Variants in DACH2 observed in about 807,000 individuals in gnomAD.
DACH2 encodes dachshund homolog 2.
Under a neutral mutation model 35.8 loss-of-function variants are expected in DACH2, and 17 were observed. That is an observed-to-expected ratio of 0.48 (90% CI 0.33 to 0.71). DACH2 has a LOEUF of 0.71. Ranked by LOEUF, DACH2 falls within the 30% of genes least tolerant of loss-of-function variation. DACH2 has a pLI of 0.02. For synonymous variants in DACH2, 195 were observed against 177.3 expected (o/e 1.10, Z -0.79); for missense variants, 469 against 472.7 (o/e 0.99, Z 0.07).
intron 3 of DACH2, among the ~76,000 whole-genome samples, chrX:86,648,688 T>C (rs970287973): frequency 9.0e-6 from 1 of 110,918 alleles, no homozygotes; most frequent in Admixed American, 9.6e-5. Flanking sequence ...GATGGTTTCA[T>C]GGGTATAAAC....
At chrX:86,345,771 T>C (rs1272235721) in intron 1 of DACH2, among the ~76,000 whole-genome samples, 1 of 111,726 alleles carries the variant, frequency 9.0e-6, no homozygotes, top group Non-Finnish European at 1.9e-5. Context: ...CCTTACAAAA[T>C]GAGACGGCCT....
intron 3 of DACH2, among the ~76,000 whole-genome samples, chrX:86,582,588 A>G (rs1602668799): frequency 9.0e-6 from 1 of 110,776 alleles, no homozygotes; most frequent in African/African-American, 3.3e-5. Context: ...GAGCATCTCT[A>G]TGCACACAAC....
intron 1 of DACH2, among the ~76,000 whole-genome samples, chrX:86,342,594 G>A (rs2035430081): frequency 9.1e-6 from 1 of 109,810 alleles, no homozygotes; most frequent in Middle Eastern, 4.7e-3. Flanking sequence ...ATCACTTGAT[G>A]TAAAGAATTC....
chrX:86,591,028 G>A (rs1167466355), intron 3 of DACH2, among the ~76,000 whole-genome samples: 2 of 109,026 alleles, frequency 1.8e-5, no homozygotes, highest in Non-Finnish European at 3.8e-5. Context: ...GTGTCCATGT[G>A]TTCTCATTGT....
chrX:86,289,858 T>C (rs1260340741), intron 1 of DACH2, among the ~76,000 whole-genome samples: 2 of 109,356 alleles, frequency 1.8e-5, no homozygotes, highest in Non-Finnish European at 3.8e-5. Context: ...TCTTTGTTAT[T>C]GTGAATAATG....
intron 1 of DACH2, among the ~76,000 whole-genome samples, chrX:86,289,836 G>C (rs1475536196): frequency 9.2e-6 from 1 of 109,132 alleles, no homozygotes; most frequent in Non-Finnish European, 1.9e-5. Flanking sequence ...GGACATTTGG[G>C]TTGGTTCCAA....
intron 1 of DACH2, among the ~76,000 whole-genome samples, chrX:86,183,735 G>A (rs1409520492): frequency 9.0e-6 from 1 of 111,605 alleles, no homozygotes; most frequent in African/African-American, 3.3e-5. Flanking sequence ...GTTTGGAATA[G>A]TTTCAGAAGG....
chrX:86,724,773 T>C (rs2041446128), intron 6 of DACH2, among the ~76,000 whole-genome samples: 1 of 111,602 alleles, frequency 9.0e-6, no homozygotes, highest in African/African-American at 3.3e-5. Context: ...CTCCCTCATA[T>C]AGGTTTTCTC....
intron 1 of DACH2, among the ~76,000 whole-genome samples, chrX:86,320,470 G>T (rs1200510118): frequency 1.8e-5 from 2 of 112,141 alleles, no homozygotes; most frequent in Admixed American, 9.4e-5. Context: ...CTCAGGCAAG[G>T]GCAGTTTTTC....
At chrX:86,480,083 C>T (rs1369346992) in intron 2 of DACH2, among the ~76,000 whole-genome samples, 1 of 111,780 alleles carries the variant, frequency 8.9e-6, no homozygotes, top group African/African-American at 3.3e-5. Context: ...TTATTGTGGT[C>T]TTCATAGTCT....
chrX:86,334,234 A>T lies in DACH2; in HGVS notation c.489-42590A>T, dbSNP rs749129163. 6.3e-5 allele frequency among the ~76,000 whole-genome samples: 7 copies of T among 111,870 alleles called. No homozygotes were observed. The Admixed American group carries it at 6.6e-4, about 11-fold the overall frequency. ...TAAACATAAGTGTTTATGTGTCTTT[A>T]TAGTAGAATAATTTATAATCCATTG... On this transcript the variant is annotated intron_variant, in intron 1 of 11. Transcript: ENST00000373125.
rs751454309 is a variant in DACH2, at chrX:86,651,080, A to G, written c.685A>G (p.Met229Val). The G allele has an allele frequency of 2.5e-6, 3 of 1,208,391 alleles. No homozygotes were observed. The South Asian group carries it at 5.3e-5, about 21-fold the overall frequency. Residue 229 changes from methionine to valine, a missense_variant, in exon 4 of 12, where the codon ATG becomes GTG. By Grantham distance (21) the Met-to-Val change is conservative (BLOSUM62 1). Transcript: ENST00000373125. ...AMAEAMKLQK[M>V]KLMAMNTLQG... is the part of the protein sequence containing the mutation. ...GGCTGAGGCGATGAAACTTCAGAAG[A>G]TGAAGCTTATGGCTATGAACACTCT... is the stretch of plus-strand genomic sequence containing the variant.
intron 1 of DACH2, among the ~76,000 whole-genome samples, chrX:86,170,268 G>A (rs761138454): frequency 1.2e-3 from 132 of 111,626 alleles, no homozygotes; most frequent in Middle Eastern, 4.6e-3. Flanking sequence ...TGCCACTACC[G>A]CTATGACTGC....
chrX:86,529,622 G>A (rs1171797510), intron 3 of DACH2, among the ~76,000 whole-genome samples: 10 of 109,112 alleles, frequency 9.2e-5, no homozygotes, highest in African/African-American at 3.0e-4. Context: ...ACAGGCACCC[G>A]CCTCCACACC....
chrX:86,632,138 C>T (rs1459026302), intron 3 of DACH2, among the ~76,000 whole-genome samples: 1 of 110,847 alleles, frequency 9.0e-6, no homozygotes, highest in Admixed American at 9.6e-5. Context: ...AGTATCTCTG[C>T]GAATCCATTT....
chrX:86,556,795 T>TATATATATATATAGAG (rs1232719385), intron 3 of DACH2, among the ~76,000 whole-genome samples: 1 of 25,296 alleles, frequency 4.0e-5, no homozygotes, highest in African/African-American at 1.8e-4. Flanking sequence ...TATATATATA[T>TATATATATATATAGAG]AGAGAGAGAG....
At chrX:86,742,476 T>C (rs942236833) in intron 7 of DACH2, among the ~76,000 whole-genome samples, 2 of 111,443 alleles carry the variant, frequency 1.8e-5, no homozygotes, top group Non-Finnish European at 3.8e-5. Flanking sequence ...TTTTTCATTA[T>C]ATGATCTTCA....
At chrX:86,441,862 T>C (rs2037168278) in intron 2 of DACH2, among the ~76,000 whole-genome samples, 1 of 94,180 alleles carries the variant, frequency 1.1e-5, no homozygotes, top group Admixed American at 1.1e-4. Context: ...TATATGTGTG[T>C]GTGTGTGTAT....
chrX:86,714,508 A>G, intron 5 of DACH2, 40 bp from the exon 6 acceptor site: 1 of 1,082,864 alleles, frequency 9.2e-7, no homozygotes, highest in Non-Finnish European at 1.2e-6. Flanking sequence ...ATTTCAGATA[A>G]TCATAATGTA....
Sources: gnomAD v4.1 joint callset for allele counts (sites outside exome capture counted in the v4.1 genomes callset) on GRCh38, gnomAD v4.1.1 for gene constraint, MANE v1.5 for transcripts, NCBI Gene and HGNC (gene_info 2026-07-23, HGNC 2026-07-21) for gene names.